Variants in SDK1 observed in about 807,000 individuals in gnomAD.
The protein encoded by SDK1 is sidekick cell adhesion molecule 1.
Under a neutral mutation model 245.5 loss-of-function variants are expected in SDK1, and 157 were observed. That is an observed-to-expected ratio of 0.64 (90% confidence interval 0.56 to 0.73). SDK1 has a LOEUF of 0.73. SDK1 is among the 30% of genes least tolerant of loss of function. The probability of loss-of-function intolerance (pLI) is 0.00; values close to 1 mark genes in which losing one functional copy is unlikely to be tolerated. For missense variants in SDK1, 3,583 were observed against 3,002.3 expected (o/e 1.19, Z -4.52); for synonymous variants, 1,647 against 1,278.5 (o/e 1.29, Z -6.15).
intron 4 of SDK1, among the ~76,000 whole-genome samples, chr7:3,761,915 C>G (rs1780117157): frequency 6.6e-6 from 1 of 152,082 alleles, no homozygotes; most frequent in South Asian, 2.1e-4. Flanking sequence ...TGTGTTAAAT[C>G]CAGCCTTAGG....
intron 4 of SDK1, among the ~76,000 whole-genome samples, chr7:3,646,236 C>T (rs893938415): frequency 1.1e-4 from 16 of 152,156 alleles, no homozygotes; most frequent in African/African-American, 3.6e-4. Flanking sequence ...GAAAGCAGTT[C>T]ATTTTCTCTC....
At chr7:3,995,709 G>T (rs1371608790) in intron 14 of SDK1, among the ~76,000 whole-genome samples, 1 of 152,122 alleles carries the variant, frequency 6.6e-6, no homozygotes, top group Non-Finnish European at 1.5e-5. Context: ...TTTGTGTTTC[G>T]ACTGCTAGTA....
intron 1 of SDK1, among the ~76,000 whole-genome samples, chr7:3,414,754 TCCCCCAGC>T (rs927929923): frequency 6.6e-6 from 1 of 152,034 alleles, no homozygotes; most frequent in Non-Finnish European, 1.5e-5. Flanking sequence ...ACTCCTCCAT[TCCCCCAGC>T]CCCTGGCAAC....
intron 4 of SDK1, among the ~76,000 whole-genome samples, chr7:3,818,768 C>T (rs900530961): frequency 3.9e-5 from 6 of 152,128 alleles, no homozygotes; most frequent in South Asian, 2.1e-4. Flanking sequence ...AAGTGCTTTC[C>T]GTTCTCTCTA....
At chr7:3,593,459 G>C (rs978565713) in intron 1 of SDK1, among the ~76,000 whole-genome samples, 3 of 152,152 alleles carry the variant, frequency 2.0e-5, no homozygotes, top group African/African-American at 7.2e-5. Flanking sequence ...GAAGTGCTCA[G>C]CTCATCTTTG....
rs530436496 is a variant in SDK1, at chr7:4,136,183, G to A, written c.4228+3760G>A. 3.3e-5 allele frequency among the ~76,000 whole-genome samples: 5 copies of A among 152,254 alleles called. No homozygotes were observed. The East Asian group carries it at 7.7e-4, about 24-fold the overall frequency. On this transcript the variant is annotated intron_variant, in intron 28 of 44. Transcript: ENST00000404826. ...CTGCGAGGCAGACAACGTCACTGCCGAGCCTCCTCTGTCATGCAGCATTGG... is the reference window on the plus strand; with the variant it reads ...CTGCGAGGCAGACAACGTCACTGCCAAGCCTCCTCTGTCATGCAGCATTGG...
At chr7:4,083,561 C>CTTTA (rs1781207933) in intron 22 of SDK1, among the ~76,000 whole-genome samples, 1 of 119,394 alleles carries the variant, frequency 8.4e-6, no homozygotes, top group African/African-American at 3.7e-5. Context: ...TCCCTCCCTT[C>CTTTA]CTTCCTTTTT....
chr7:3,389,250 G>T (rs1032026051), intron 1 of SDK1, among the ~76,000 whole-genome samples: 1 of 152,080 alleles, frequency 6.6e-6, no homozygotes, highest in Non-Finnish European at 1.5e-5. Flanking sequence ...TGAGACTACA[G>T]ATATGATTAA....
chr7:4,109,020 A>G (rs1336529613), intron 22 of SDK1, among the ~76,000 whole-genome samples: 4 of 152,084 alleles, frequency 2.6e-5, no homozygotes, highest in East Asian at 1.9e-4. Flanking sequence ...GTTCCTTTCT[A>G]TGGCTGAATC....
chr7:3,900,853 C>T (rs1781763753), intron 5 of SDK1, among the ~76,000 whole-genome samples: 2 of 152,120 alleles, frequency 1.3e-5, no homozygotes, highest in African/African-American at 2.4e-5. Context: ...TCAACATAAC[C>T]ACCATAAAAT....
intron 5 of SDK1, among the ~76,000 whole-genome samples, chr7:3,950,186 G>T (rs944588786): frequency 2.0e-5 from 3 of 152,230 alleles, no homozygotes; most frequent in Non-Finnish European, 4.4e-5. Context: ...GACAGGCTGT[G>T]GATTGTGCCT....
chr7:3,951,016 A>G lies in SDK1; in HGVS notation c.941A>G (p.Glu314Gly). 3 of 1,613,374 alleles carry G rather than the reference A, an allele frequency of 1.9e-6. No homozygotes were observed. The highest frequency in any genetic ancestry group is 1.7e-6 in the Non-Finnish European group (2 of 1,179,404). Residue 314 changes from glutamate (E) to glycine (G), a missense_variant, in exon 6 of 45, where the codon GAA becomes GGA. Physicochemically the swap from Glu to Gly is moderately conservative, Grantham distance 98. Transcript: ENST00000404826. Reference protein sequence around the residue: ...VVAGSSETTLECIASARPVED... With the variant: ...VVAGSSETTLGCIASARPVED... Reference sequence around the variant, plus strand: ...GCTGGATCCAGTGAGACCACCTTGGAATGTATAGCCAGTGCCAGGTACGAG... The same window carrying G: ...GCTGGATCCAGTGAGACCACCTTGGGATGTATAGCCAGTGCCAGGTACGAG...
chr7:3,990,841 G>C (rs1310857838), intron 14 of SDK1, among the ~76,000 whole-genome samples: 6 of 152,332 alleles, frequency 3.9e-5, no homozygotes, highest in Middle Eastern at 6.8e-3. Context: ...GCATGGCTTT[G>C]AGATGCCTGG....
chr7:3,419,778 G>T (rs1779486668), intron 1 of SDK1, among the ~76,000 whole-genome samples: 1 of 152,140 alleles, frequency 6.6e-6, no homozygotes. Flanking sequence ...TTCAAGAAAT[G>T]CCCTATGCTA....
chr7:3,732,070 G>A (rs567337679), intron 4 of SDK1, among the ~76,000 whole-genome samples: 4 of 152,328 alleles, frequency 2.6e-5, no homozygotes, highest in South Asian at 2.1e-4. Flanking sequence ...GATTACAGGC[G>A]TGAGCCACCA....
At chr7:3,649,764 A>T (rs1045623137) in intron 4 of SDK1, among the ~76,000 whole-genome samples, 10 of 152,226 alleles carry the variant, frequency 6.6e-5, no homozygotes, top group Admixed American at 6.5e-4. Flanking sequence ...TTGACTCCTA[A>T]GTCCACACCG....
intron 1 of SDK1, among the ~76,000 whole-genome samples, chr7:3,306,083 A>G (rs1292757226): frequency 6.6e-6 from 1 of 152,132 alleles, no homozygotes; most frequent in Non-Finnish European, 1.5e-5. Context: ...TTATAAGGAG[A>G]GGGAAAAATG....
At chr7:3,499,969 G>A (rs986566281) in intron 1 of SDK1, among the ~76,000 whole-genome samples, 1 of 152,186 alleles carries the variant, frequency 6.6e-6, no homozygotes, top group African/African-American at 2.4e-5. Context: ...TCAAGGCAGG[G>A]CTGGGAATTG....
At chr7:3,895,929 C>T (rs566266092) in intron 5 of SDK1, among the ~76,000 whole-genome samples, 2 of 152,216 alleles carry the variant, frequency 1.3e-5, no homozygotes, top group South Asian at 2.1e-4. Context: ...TTTAATTCTG[C>T]GGTGGCCAGA....
Sources: allele counts gnomAD v4.1 joint callset (sites outside exome capture counted in the v4.1 genomes callset), GRCh38; gene constraint gnomAD v4.1.1; transcripts MANE v1.5; gene names NCBI Gene and HGNC (gene_info 2026-07-23, HGNC 2026-07-21).